FGFR2: variants seen among roughly 807,000 people sequenced by gnomAD.
The protein encoded by FGFR2 is fibroblast growth factor receptor 2, also known as BEK fibroblast growth factor receptor.
Under a neutral mutation model 95.9 loss-of-function variants are expected in FGFR2, and 19 were observed. That is an observed-to-expected ratio of 0.20 (90% CI 0.14 to 0.29). The LOEUF is 0.29. Ranked by LOEUF, FGFR2 falls within the 10% of genes least tolerant of loss-of-function variation. FGFR2 has a pLI of 1.00. For missense variants in FGFR2, 707 were observed against 1,056.9 expected, an observed-to-expected ratio of 0.67 and a Z score of 4.59; for synonymous variants, 392 against 393.3, an observed-to-expected ratio of 1.00 and a Z score of 0.04.
At chr10:121,560,408 A>C (rs1019172812) in intron 4 of FGFR2, among the ~76,000 whole-genome samples, 5 of 151,972 alleles carry the variant, frequency 3.3e-5, no homozygotes, top group African/African-American at 1.2e-4. Context: ...AGGTCAGGAG[A>C]TCGAGACCAT....
chr10:121,487,878 G>A (rs1464587181), intron 14 of FGFR2, 113 bp downstream of exon 14: 1 of 1,338,566 alleles, frequency 7.5e-7, no homozygotes, highest in Non-Finnish European at 1.1e-6. Flanking sequence ...ATCGGGGCAG[G>A]GGAATGGGTC....
chr10:121,481,859 C>CG lies in FGFR2; in HGVS notation c.2301+1838dup, dbSNP rs1297624944. The CG allele has an allele frequency of 1.2e-3, 220 of 178,764 alleles. 2 individuals carry two copies. Among genetic ancestry groups the CG allele is most frequent in the African/African-American group, 6.7e-3 (201 of 30,008 alleles). 11.1% of individuals were successfully genotyped at this position (178,764 alleles called of 1,614,324 possible). Reference sequence around the variant, plus strand: ...ATTTTTATTTTTTTTTTTTTTGAGACGGAGTCTCGCTCTGTCGCCAAGGCT... The same window carrying CG: ...ATTTTTATTTTTTTTTTTTTTGAGACGGGAGTCTCGCTCTGTCGCCAAGGCT... On this transcript the variant is annotated intron_variant, in intron 17 of 17. Transcript: ENST00000358487.
At position 121,478,936 on chromosome 10, in the gene FGFR2, C is replaced by A. The variant is rs185617859; in HGVS notation, c.*921G>T. 1 of 233,386 alleles carries A rather than the reference C, an allele frequency of 4.3e-6. No individual in the cohort carries two copies. Among genetic ancestry groups the A allele is most frequent in the South Asian group, 1.8e-4 (1 of 5,522 alleles). 14.5% of individuals were successfully genotyped at this position (233,386 alleles called of 1,614,324 possible). On this transcript the variant is annotated 3_prime_UTR_variant, in exon 18 of 18. Transcript: ENST00000358487. ...TCTTGGGAAGTCCAGTTAGACGTTG[C>A]GTTGACGTAATGACAGGGTTGCACA...
At chr10:121,557,208 T>C (rs867425567) in intron 4 of FGFR2, among the ~76,000 whole-genome samples, 2 of 152,252 alleles carry the variant, frequency 1.3e-5, no homozygotes, top group African/African-American at 4.8e-5. Context: ...TCTCCAATCA[T>C]TGGCTATGCT....
chr10:121,596,473 T>A, intron 1 of FGFR2: 1 of 191,660 alleles, frequency 5.2e-6, no homozygotes, highest in Admixed American at 6.1e-5. Context: ...GCCACTGGGA[T>A]CACCTGGTGT....
At chr10:121,553,051 C>CA (rs1472187362) in intron 4 of FGFR2, among the ~76,000 whole-genome samples, 1 of 152,204 alleles carries the variant, frequency 6.6e-6, no homozygotes, top group Admixed American at 6.5e-5. Flanking sequence ...GAAATCGCTG[C>CA]ATCCAAACAC....
chr10:121,484,069 G>A (rs1488255149), intron 16 of FGFR2, among the ~76,000 whole-genome samples: 2 of 151,922 alleles, frequency 1.3e-5, no homozygotes, highest in Non-Finnish European at 2.9e-5. Context: ...TGGTAACCCT[G>A]GGCCACAGTG....
intron 8 of FGFR2, among the ~76,000 whole-genome samples, chr10:121,516,153 A>G (rs1849684004): frequency 6.6e-6 from 1 of 152,164 alleles, no homozygotes; most frequent in South Asian, 2.1e-4. Flanking sequence ...ATCCATCTAC[A>G]AGCAGTGTAT....
In FGFR2 at chr10:121,478,529, A is replaced by C. The variant is rs1589688959; in HGVS notation, c.*1328T>G. ...GTGGGTGTTTCCAAAGCAAAACACA[A>C]TACTTTAGTACAGAAGGAACAACGG... On this transcript the variant is annotated 3_prime_UTR_variant, in exon 18 of 18. Transcript: ENST00000358487. 3 of 233,428 alleles carry C rather than the reference A, an allele frequency of 1.3e-5. No individual in the cohort carries two copies. The East Asian group carries it at 1.8e-4, about 14-fold the overall frequency. 14.5% of individuals were successfully genotyped at this position (233,428 alleles called of 1,614,324 possible).
At chr10:121,534,931 G>C (rs1412546871) in intron 6 of FGFR2, among the ~76,000 whole-genome samples, 1 of 152,104 alleles carries the variant, frequency 6.6e-6, no homozygotes, top group Non-Finnish European at 1.5e-5. Flanking sequence ...CCTAAGCCTT[G>C]GAAACTAGGA....
chr10:121,500,869 G>A lies in FGFR2; in HGVS notation c.1518C>T (p.Asp506=). The change falls in exon 11 of 18, where the codon GAC becomes GAT. Residue 506 remains aspartate, a synonymous_variant. Transcript: ENST00000358487. Reference sequence around the variant, plus strand: ...CCACGGTGACCGCCTCCTTGGGCTTGTCTTTGTCAATTCCCACTGCTTCCG... The same window carrying A: ...CCACGGTGACCGCCTCCTTGGGCTTATCTTTGTCAATTCCCACTGCTTCCG... ...VMAEAVGIDK[D]KPKEAVTVAV... is the part of the protein sequence containing the mutation. 6.2e-7 allele frequency: 1 copy of A among 1,614,188 alleles called. No homozygotes were observed.
intron 1 of FGFR2, 164 bp from the exon 2 acceptor site, chr10:121,594,131 C>A (rs888008392): frequency 4.9e-5 from 25 of 508,534 alleles, no homozygotes; most frequent in Non-Finnish European, 6.8e-5. Flanking sequence ...CCAGGTGATA[C>A]CACCAGACCG....
At chr10:121,572,192 T>C (rs895000670) in intron 2 of FGFR2, among the ~76,000 whole-genome samples, 3 of 142,992 alleles carry the variant, frequency 2.1e-5, no homozygotes, top group African/African-American at 5.2e-5. Flanking sequence ...GGAATGATGA[T>C]AAACACCTGT....
At chr10:121,482,233 T>C in intron 17 of FGFR2, 1 of 1,552,240 alleles carries the variant, frequency 6.4e-7, no homozygotes, top group Non-Finnish European at 8.9e-7. Context: ...TTAAAGGAAC[T>C]TATACTAGAA....
At chr10:121,589,893 T>C (rs1862380473) in intron 2 of FGFR2, among the ~76,000 whole-genome samples, 1 of 152,232 alleles carries the variant, frequency 6.6e-6, no homozygotes, top group African/African-American at 2.4e-5. Context: ...AGAAGATTAT[T>C]TTAAATCATT....
At chr10:121,508,730 C>A (rs1848636254) in intron 9 of FGFR2, among the ~76,000 whole-genome samples, 1 of 152,146 alleles carries the variant, frequency 6.6e-6, no homozygotes, top group East Asian at 1.9e-4. Context: ...ATGTACAAAC[C>A]TGGAAAATAC....
chr10:121,574,609 T>C (rs1424530446), intron 2 of FGFR2, among the ~76,000 whole-genome samples: 2 of 152,060 alleles, frequency 1.3e-5, no homozygotes, highest in Non-Finnish European at 1.5e-5. Flanking sequence ...CCAACCACCT[T>C]TGCATGCCCT....
chr10:121,577,178 TAGAGAG>T (rs1169688456), intron 2 of FGFR2, among the ~76,000 whole-genome samples: 120 of 5,218 alleles, frequency 0.023, 8 homozygotes, highest in African/African-American at 0.089. Context: ...TATATATATA[TAGAGAG>T]AGAGAGAGAG....
At chr10:121,520,444 AT>A (rs1850379924) in intron 6 of FGFR2, among the ~76,000 whole-genome samples, 1 of 152,222 alleles carries the variant, frequency 6.6e-6, no homozygotes, top group Non-Finnish European at 1.5e-5. Flanking sequence ...CTGCCACCTG[AT>A]GAATACGGGA....
Sources: allele counts gnomAD v4.1 joint callset (sites outside exome capture counted in the v4.1 genomes callset), GRCh38; gene constraint gnomAD v4.1.1; transcripts MANE v1.5; gene names NCBI Gene and HGNC (gene_info 2026-07-23, HGNC 2026-07-21).